Variants in DDAH1 observed in about 807,000 individuals in gnomAD.
DDAH1 encodes N(G),N(G)-dimethylarginine dimethylaminohydrolase 1.
A neutral mutation model predicts 28.8 loss-of-function variants in DDAH1; 19 were observed. That is an observed-to-expected ratio of 0.66 (90% confidence interval 0.46 to 0.97). The LOEUF is 0.97. Among genes scored for constraint, DDAH1 ranks in the 50% least tolerant of loss-of-function variants. DDAH1 has a pLI of 0.00. For missense variants in DDAH1, 326 were observed against 375.9 expected (o/e 0.87, Z 1.10); for synonymous variants, 153 against 154.4 (o/e 0.99, Z 0.07).
At chr1:85,518,747 A>G (rs1311380771) in intron 1 of DDAH1, among the ~76,000 whole-genome samples, 2 of 152,104 alleles carry the variant, frequency 1.3e-5, no homozygotes, top group Admixed American at 1.3e-4. Context: ...TGTAAGATAA[A>G]CTCACAGGTT....
Position 85,351,583 on chromosome 1 carries a change from T to TA in DDAH1, c.404-5dup. ...AGGCCCACAAAAAATTCTCTGCCTGTAATAGATGTCATGGAACATAGTGAG... is the reference window on the plus strand; with the variant it reads ...AGGCCCACAAAAAATTCTCTGCCTGTAAATAGATGTCATGGAACATAGTGAG... On this transcript the variant is annotated splice_region_variant and splice_polypyrimidine_tract_variant and intron_variant, in intron 2 of 5. Transcript: ENST00000284031. The TA allele has an allele frequency of 6.2e-7, 1 of 1,612,870 alleles. No homozygotes were observed. Among genetic ancestry groups the TA allele is most frequent in the Non-Finnish European group, 8.5e-7 (1 of 1,178,858 alleles).
chr1:85,467,894 A>G (rs182829218), upstream of DDAH1, among the ~76,000 whole-genome samples: 6 of 152,324 alleles, frequency 3.9e-5, no homozygotes, highest in Admixed American at 3.9e-4. Context: ...AGACATCCAG[A>G]ATTGGAGCTG....
intron 5 of DDAH1, among the ~76,000 whole-genome samples, chr1:85,322,453 A>C (rs775074379): frequency 6.6e-6 from 1 of 152,210 alleles, no homozygotes; most frequent in Non-Finnish European, 1.5e-5. Flanking sequence ...CATATTTTTA[A>C]AAACAGAATC....
intron 1 of DDAH1, among the ~76,000 whole-genome samples, chr1:85,533,121 C>T (rs1658148245): frequency 6.6e-6 from 1 of 151,974 alleles, no homozygotes; most frequent in East Asian, 1.9e-4. Flanking sequence ...ACTTTTTGTC[C>T]CTTCACCAAA....
intron 1 of DDAH1, among the ~76,000 whole-genome samples, chr1:85,511,061 C>T (rs1411132841): frequency 1.3e-5 from 2 of 152,206 alleles, no homozygotes; most frequent in Non-Finnish European, 2.9e-5. Context: ...TTCTCAGCAC[C>T]ATATCGCATT....
chr1:85,358,212 G>A lies in DDAH1; in HGVS notation c.403+536C>T, dbSNP rs545698016. Among the ~76,000 whole-genome samples, 30 of 152,292 alleles carry A rather than the reference G, an allele frequency of 2.0e-4. No individual in the cohort carries two copies. In the South Asian group the frequency reaches 5.6e-3, roughly 28 times the overall value. Reference sequence around the variant, plus strand: ...AATGTTCTTGTAAAAATATGCAAATGTATATATACGAAGTACTAAAAGGAC... The same window carrying A: ...AATGTTCTTGTAAAAATATGCAAATATATATATACGAAGTACTAAAAGGAC... On this transcript the variant is annotated intron_variant, in intron 2 of 5. Transcript: ENST00000284031.
Position 85,464,898 on chromosome 1 carries a change from A to G in DDAH1, c.148T>C (p.Tyr50His). Residue 50 changes from tyrosine (Y) to histidine (H), a missense_variant, in exon 1 of 6, where the codon TAC becomes CAC. Transcript: ENST00000284031. This position sits in a 1 kb window ranked among gnomAD's most constrained non-coding sequence, Gnocchi z 4.4. ...VARAERQHQL[Y>H]VGVLGSKLGL... ...AGCTTGCTGCCCAGCACGCCCACGT[A>G]GAGCTGGTGCTGCCGTTCCGCGCGG... is the stretch of plus-strand genomic sequence containing the variant. 2 of 1,570,854 alleles carry G rather than the reference A, an allele frequency of 1.3e-6. No individual in the cohort carries two copies. The highest frequency in any genetic ancestry group is 1.2e-5 in the South Asian group (1 of 86,950).
intron 1 of DDAH1, among the ~76,000 whole-genome samples, chr1:85,553,103 A>G (rs1658848388): frequency 6.6e-6 from 1 of 152,154 alleles, no homozygotes; most frequent in Non-Finnish European, 1.5e-5. Context: ...ATTCCAATAG[A>G]TAGTCCCAGG....
intron 1 of DDAH1, among the ~76,000 whole-genome samples, chr1:85,426,929 A>AC (rs200000689): frequency 2.0e-5 from 3 of 150,054 alleles, no homozygotes; most frequent in African/African-American, 7.3e-5. Context: ...AACAAAAAAA[A>AC]AAAAAAAAAA....
chr1:85,395,052 C>G (rs1400780839), intron 1 of DDAH1, among the ~76,000 whole-genome samples: 2 of 151,678 alleles, frequency 1.3e-5, no homozygotes, highest in Non-Finnish European at 2.9e-5. Context: ...GCAAAGTATA[C>G]CAAGAGAAAG....
chr1:85,491,880 A>C (rs622181), intron 2 of DDAH1, among the ~76,000 whole-genome samples: 152,000 of 152,256 alleles, frequency 1, 75,873 homozygotes, highest in Non-Finnish European at 1. Flanking sequence ...TAACTAGGTG[A>C]CCTAACCCCC....
intron 4 of DDAH1, among the ~76,000 whole-genome samples, chr1:85,346,254 T>TG (rs1192176216): frequency 6.6e-6 from 1 of 152,120 alleles, no homozygotes; most frequent in African/African-American, 2.4e-5. Context: ...ATATGCCCTT[T>TG]AAAGAGATGC....
intron 4 of DDAH1, among the ~76,000 whole-genome samples, chr1:85,341,420 T>C (rs1390271372): frequency 2.6e-5 from 4 of 152,246 alleles, no homozygotes; most frequent in South Asian, 4.1e-4. Context: ...TGAATAGTTA[T>C]ATATGTAATT....
chr1:85,446,355 A>C (rs1037147951), intron 1 of DDAH1, among the ~76,000 whole-genome samples: 2 of 152,120 alleles, frequency 1.3e-5, no homozygotes, highest in Admixed American at 1.3e-4. Context: ...GAACTCACTG[A>C]CTATCATGAG....
chr1:85,531,110 T>C (rs1409947653), intron 1 of DDAH1, among the ~76,000 whole-genome samples: 1 of 151,808 alleles, frequency 6.6e-6, no homozygotes, highest in Non-Finnish European at 1.5e-5. Flanking sequence ...ATCCAGGGCA[T>C]TCTAAATTTA....
At chr1:85,524,224 T>C (rs1322108236) in intron 1 of DDAH1, among the ~76,000 whole-genome samples, 1 of 149,924 alleles carries the variant, frequency 6.7e-6, no homozygotes, top group Non-Finnish European at 1.5e-5. Context: ...GTAGGGACAA[T>C]AATAATGAAC....
At chr1:85,376,934 GTAGCAAAACACA>G in intron 1 of DDAH1, 2 of 152,010 alleles carry the variant, frequency 1.3e-5, no homozygotes, top group South Asian at 4.2e-4. Context: ...TCCATCTGAA[GTAGCAAAACACA>G]TTGTTACTTT....
At chr1:85,544,285 A>T (rs889588645) in intron 1 of DDAH1, among the ~76,000 whole-genome samples, 1 of 152,216 alleles carries the variant, frequency 6.6e-6, no homozygotes, top group South Asian at 2.1e-4. Flanking sequence ...TGCAGCTGCA[A>T]AAAACTAGGC....
chr1:85,421,663 T>C (rs968327091), intron 1 of DDAH1, among the ~76,000 whole-genome samples: 8 of 152,214 alleles, frequency 5.3e-5, no homozygotes, highest in African/African-American at 1.9e-4. Flanking sequence ...AGTTTTGTCT[T>C]TTCTAGATGT....
Sources: gnomAD v4.1 joint callset for allele counts (sites outside exome capture counted in the v4.1 genomes callset) on GRCh38, gnomAD v4.1.1 for gene constraint, Gnocchi (gnomAD v3.1) non-coding constraint, MANE v1.5 for transcripts, NCBI Gene and HGNC (gene_info 2026-07-23, HGNC 2026-07-21) for gene names.